Variants in MCF2 observed in about 807,000 individuals in gnomAD.
MCF2 encodes the protein MCF.2 cell line derived transforming sequence.
MCF2 carries 44 observed loss-of-function variants against 82.5 expected under a neutral mutation model. The observed-to-expected ratio is 0.53, with a 90% CI of 0.42 to 0.69. MCF2 has a LOEUF of 0.69. MCF2 is among the 30% of genes least tolerant of loss of function. The pLI, the probability that MCF2 is intolerant of heterozygous loss-of-function variation, is 0.00. For missense variants in MCF2, 623 were observed against 663.1 expected, an observed-to-expected ratio of 0.94 and a Z score of 0.66; for synonymous variants, 217 against 224.9, an observed-to-expected ratio of 0.96 and a Z score of 0.32.
At chrX:139,635,840 C>G (rs1017997240) in intron 1 of MCF2, among the ~76,000 whole-genome samples, 3 of 109,886 alleles carry the variant, frequency 2.7e-5, no homozygotes, top group Admixed American at 9.8e-5. Context: ...AGCTCAGTAC[C>G]CAATAGTGAT....
At chrX:139,692,022 T>G in intron 1 of MCF2, 1 of 1,166,303 alleles carries the variant, frequency 8.6e-7, no homozygotes, top group Non-Finnish European at 1.1e-6. Flanking sequence ...AGGGATCGCC[T>G]GGGCTATCGG....
At chrX:139,617,572 T>A in exon 8 of MCF2, 1 of 1,202,961 alleles carries the variant, frequency 8.3e-7, no homozygotes, top group Non-Finnish European at 1.1e-6. Context: ...TTTGCTTTTA[T>A]CTCATTAACC....
intron 10 of MCF2, 124 bp from the exon 15 acceptor site, chrX:139,610,462 A>T (rs985163745): frequency 1.2e-5 from 5 of 413,308 alleles, no homozygotes; most frequent in African/African-American, 2.6e-5. Flanking sequence ...TTAGTATTTT[A>T]AAATCACACT....
chrX:139,663,421 T>G (rs906952905), intron 1 of MCF2, among the ~76,000 whole-genome samples: 2 of 112,163 alleles, frequency 1.8e-5, no homozygotes, highest in African/African-American at 6.5e-5. Flanking sequence ...CCATTCAGTC[T>G]AATGTACAGA....
chrX:139,621,955 G>C (rs1248377255), intron 6 of MCF2, among the ~76,000 whole-genome samples: 5 of 110,927 alleles, frequency 4.5e-5, no homozygotes, highest in Non-Finnish European at 9.4e-5. Flanking sequence ...CTACAGAATG[G>C]GAGAAAATTT....
At chrX:139,651,154 ACTGTACT>A (rs1169596360) in intron 2 of MCF2, among the ~76,000 whole-genome samples, 1 of 99,052 alleles carries the variant, frequency 1.0e-5, no homozygotes, top group East Asian at 2.8e-4. Flanking sequence ...ATGCCGCTGA[ACTGTACT>A]CTTCAAAATG....
intron 1 of MCF2, among the ~76,000 whole-genome samples, chrX:139,653,031 T>TA (rs770785523): frequency 3.6e-5 from 4 of 112,419 alleles, no homozygotes; most frequent in African/African-American, 1.3e-4. Flanking sequence ...AATTTGTCAA[T>TA]ACATAAAGTC....
In MCF2 at chrX:139,613,284, G is replaced by A. The variant is rs763017109; in HGVS notation, c.1363+1597C>T. The A allele has an allele frequency of 2.3e-4, 256 of 1,096,136 alleles. 1 individual carries two copies. The highest frequency in any genetic ancestry group is 1.1e-3 in the South Asian group (52 of 48,354). The allele number at this position is 1,096,136 out of a possible 1,213,427, so 90.3% of individuals were successfully genotyped here. On this transcript the variant is annotated intron_variant, in intron 10 of 24. Transcript: ENST00000370576. Reference sequence around the variant, plus strand: ...TCCCACTGCAGAAGGAAATTGTAACGCCATTAAATAAGAATATCAGAAAAA... The same window carrying A: ...TCCCACTGCAGAAGGAAATTGTAACACCATTAAATAAGAATATCAGAAAAA...
chrX:139,698,579 A>G (rs756264239), intron 1 of MCF2, among the ~76,000 whole-genome samples: 69 of 112,375 alleles, frequency 6.1e-4, no homozygotes, highest in Non-Finnish European at 1.2e-3. Flanking sequence ...CAAGTTAAAC[A>G]GCTTGACCTA....
At chrX:139,614,493 G>T (rs1000640395) in intron 10 of MCF2, among the ~76,000 whole-genome samples, 3 of 80,777 alleles carry the variant, frequency 3.7e-5, no homozygotes, top group African/African-American at 1.5e-4. Flanking sequence ...TGCTTATCTA[G>T]AGTAGCAGTA....
chrX:139,582,649 T>G, intron 24 of MCF2, 146 bp from the exon 29 acceptor site: 2 of 396,790 alleles, frequency 5.0e-6, no homozygotes, highest in Non-Finnish European at 8.9e-6. Flanking sequence ...TTTTCCTTAG[T>G]AGCACATCTC....
chrX:139,682,485 A>T (rs760942811), intron 1 of MCF2, among the ~76,000 whole-genome samples: 3 of 112,574 alleles, frequency 2.7e-5, no homozygotes, highest in African/African-American at 9.7e-5. Context: ...ATACGTGGTG[A>T]TTTACAATAT....
chrX:139,623,388 T>C (rs773210264), intron 6 of MCF2, among the ~76,000 whole-genome samples: 2 of 111,486 alleles, frequency 1.8e-5, no homozygotes, highest in South Asian at 3.8e-4. Context: ...CATGGAATAC[T>C]ATGCAGCCAT....
Position 139,651,305 on chromosome X carries a change from G to C in MCF2, c.25+415C>G, listed in dbSNP as rs188043638. Among the ~76,000 whole-genome samples the C allele has an allele frequency of 4.5e-5, 5 of 110,545 alleles. No homozygotes were observed. In the East Asian group the frequency reaches 1.4e-3, roughly 31 times the overall value. On this transcript the variant is annotated intron_variant, in intron 2 of 27. Transcript: ENST00000414978. Reference sequence around the variant, plus strand: ...ATGAAATCCTAAAAAAAAATACTTAGTGCATGCTGATTATTTAGTGCAACT... The same window carrying C: ...ATGAAATCCTAAAAAAAAATACTTACTGCATGCTGATTATTTAGTGCAACT...
chrX:139,657,113 T>C (rs988700646), intron 1 of MCF2, among the ~76,000 whole-genome samples: 4 of 112,137 alleles, frequency 3.6e-5, no homozygotes, highest in African/African-American at 1.3e-4. Context: ...GGAGCAAATC[T>C]TCATTTTAAG....
intron 1 of MCF2, among the ~76,000 whole-genome samples, chrX:139,652,851 T>C (rs770677323): frequency 1.8e-5 from 2 of 109,794 alleles, no homozygotes; most frequent in Non-Finnish European, 3.8e-5. Context: ...ATGGATGTGG[T>C]TTATAAAGGA....
intron 2 of MCF2, among the ~76,000 whole-genome samples, chrX:139,631,885 A>G (rs1436754782): frequency 9.0e-6 from 1 of 111,335 alleles, no homozygotes; most frequent in East Asian, 2.8e-4. Context: ...AAAAGTATCA[A>G]AATTTATGAG....
intron 5 of MCF2, 32 bp from the exon 9 acceptor site, chrX:139,626,339 A>G: frequency 1.1e-6 from 1 of 873,553 alleles, no homozygotes; most frequent in Non-Finnish European, 1.7e-6. Context: ...AAATTCCTAA[A>G]AGCAACTATC....
Position 139,616,470 on chromosome X carries a change from G to A in MCF2, c.1003C>T (p.Arg335Cys), listed in dbSNP as rs1275224551. Residue 335 changes from arginine to cysteine, a missense_variant, in exon 9 of 25, where the codon CGT (arginine) becomes TGT (cysteine). Physicochemically the swap from Arg to Cys is radical, Grantham distance 180. Coordinates refer to ENST00000370576, the Ensembl canonical transcript of MCF2. ...CATTCCCCTTCATCACAGCATTGAC[G>A]AGCCTGGTAAGAAAATCAAGAAGAA... 2 of 1,045,573 alleles carry A rather than the reference G, an allele frequency of 1.9e-6. No individual in the cohort carries two copies. The highest frequency in any genetic ancestry group is 2.5e-6 in the Non-Finnish European group (2 of 798,381). The allele number at this position is 1,045,573 out of a possible 1,213,427, so 86.2% of individuals were successfully genotyped here. A position where few individuals can be genotyped will look rare whatever the true frequency, so the allele number is the denominator to read the frequency against.
Sources: gnomAD v4.1 joint callset for allele counts (sites outside exome capture counted in the v4.1 genomes callset) on GRCh38, gnomAD v4.1.1 for gene constraint, MANE v1.5 for transcripts, NCBI Gene and HGNC (gene_info 2026-07-23, HGNC 2026-07-21) for gene names.